The following MINDY2 variants were observed in gnomAD, a reference collection of about 807,000 sequenced individuals.
MINDY2 encodes the protein ubiquitin carboxyl-terminal hydrolase MINDY-2.
MINDY2 carries 52 observed loss-of-function variants against 68.2 expected under a neutral mutation model. That is an observed-to-expected ratio of 0.76 (90% CI 0.61 to 0.96). The LOEUF is 0.96. MINDY2 is among the 40% of genes least tolerant of loss of function. MINDY2 has a pLI of 0.00. For synonymous variants in MINDY2, 372 were observed against 303.0 expected, an observed-to-expected ratio of 1.23 and a Z score of -2.36; for missense variants, 881 against 773.4, an observed-to-expected ratio of 1.14 and a Z score of -1.65.
At chr15:58,821,223 A>G (rs755552301) in intron 4 of MINDY2, among the ~76,000 whole-genome samples, 4 of 151,746 alleles carry the variant, frequency 2.6e-5, no homozygotes, top group African/African-American at 7.2e-5. Context: ...TATCTCCACT[A>G]TACTTTTCTA....
intron 2 of MINDY2, among the ~76,000 whole-genome samples, chr15:58,792,625 T>C (rs1902024048): frequency 6.6e-6 from 1 of 151,314 alleles, no homozygotes; most frequent in African/African-American, 2.4e-5. Context: ...AAAAGAAAAA[T>C]GTTCAAAGCA....
At chr15:58,776,758 A>G (rs77637863) in intron 1 of MINDY2, among the ~76,000 whole-genome samples, 1,675 of 152,238 alleles carry the variant, frequency 0.011, 63 homozygotes, top group East Asian at 0.08. Context: ...GTGGTGGCTC[A>G]TGCCTGTCGT....
intron 1 of MINDY2, among the ~76,000 whole-genome samples, chr15:58,781,993 A>G (rs1319901495): frequency 6.6e-6 from 1 of 152,182 alleles, no homozygotes; most frequent in East Asian, 1.9e-4. Context: ...TTTTAAGTAT[A>G]GTATTACTAG....
At chr15:58,822,594 G>C (rs752159998) in intron 5 of MINDY2, among the ~76,000 whole-genome samples, 3 of 152,148 alleles carry the variant, frequency 2.0e-5, no homozygotes, top group Non-Finnish European at 4.4e-5. Context: ...CTGGATCAGA[G>C]TATGCCTCTG....
Position 58,826,909 on chromosome 15 carries a change from A to C in MINDY2, c.1226-4865A>C, listed in dbSNP as rs566478714. On this transcript the variant is annotated intron_variant, in intron 5 of 8. Coordinates refer to ENST00000559228, the MANE Select transcript of MINDY2 (RefSeq NM_001040450.3). Reference sequence around the variant, plus strand: ...TTCTCCTTTCCTCCCTTGCTTCCTCACTCCTTTCCTTCCTTGCTTCCTCCC... The same window carrying C: ...TTCTCCTTTCCTCCCTTGCTTCCTCCCTCCTTTCCTTCCTTGCTTCCTCCC... Among the ~76,000 whole-genome samples, 247 of 138,136 alleles carry C rather than the reference A, an allele frequency of 1.8e-3. 1 individual carries two copies. Among genetic ancestry groups the C allele is most frequent in the African/African-American group, 6.3e-3 (231 of 36,852 alleles). 90.6% of individuals were successfully genotyped at this position (138,136 alleles called of 152,430 possible).
chr15:58,818,696 C>T (rs1359690340), intron 4 of MINDY2, among the ~76,000 whole-genome samples: 2 of 148,912 alleles, frequency 1.3e-5, no homozygotes, highest in Non-Finnish European at 3.0e-5. Context: ...TCTTGCTACC[C>T]AGGTGTGATC....
At chr15:58,847,090 A>C (rs192084941) in intron 6 of MINDY2, among the ~76,000 whole-genome samples, 197 of 152,314 alleles carry the variant, frequency 1.3e-3, no homozygotes, top group Non-Finnish European at 1.7e-3. Flanking sequence ...GTTATAGTGT[A>C]GTGTGCCAAT....
chr15:58,831,698 C>G, intron 5 of MINDY2, 76 bp from the exon 6 acceptor site: 9 of 1,350,784 alleles, frequency 6.7e-6, no homozygotes, highest in South Asian at 1.4e-5. Context: ...ACTTGGAACA[C>G]ACTTTAAATA....
intron 6 of MINDY2, among the ~76,000 whole-genome samples, chr15:58,832,507 C>T (rs1219105940): frequency 3.8e-4 from 57 of 148,624 alleles, no homozygotes; most frequent in African/African-American, 1.2e-3. Flanking sequence ...GGATTACAGG[C>T]GTGAGCCACC....
chr15:58,840,381 C>A (rs1392228732), intron 6 of MINDY2, among the ~76,000 whole-genome samples: 1 of 152,034 alleles, frequency 6.6e-6, no homozygotes, highest in African/African-American at 2.4e-5. Flanking sequence ...TGGAAAAATA[C>A]CTCTGTGTTT....
intron 2 of MINDY2, among the ~76,000 whole-genome samples, chr15:58,797,898 C>G (rs1323409174): frequency 6.6e-6 from 1 of 152,070 alleles, no homozygotes; most frequent in African/African-American, 2.4e-5. Flanking sequence ...GAGATTGGTG[C>G]AAAAATAAAG....
rs1435819666 is a variant in MINDY2, at chr15:58,810,390, T to C, written c.1122+2T>C. The C allele has an allele frequency of 3.2e-6, 5 of 1,560,204 alleles. No individual in the cohort carries two copies. The highest frequency in any genetic ancestry group is 2.0e-5 in the Admixed American group (1 of 49,442). Reference sequence around the variant, plus strand: ...CATGGGTGGTTAGTAGACCCTCAGGTAAGTCGAAGAATTTAAATTATGTAA... The same window carrying C: ...CATGGGTGGTTAGTAGACCCTCAGGCAAGTCGAAGAATTTAAATTATGTAA... On this transcript the variant is annotated splice_donor_variant, in intron 4 of 8. Transcript: ENST00000559228. LOFTEE classifies it high-confidence loss of function.
In MINDY2 at chr15:58,798,552, T is replaced by G. The variant is rs560285557; in HGVS notation, c.899-3761T>G. On this transcript the variant is annotated intron_variant, in intron 2 of 8. Transcript: ENST00000559228. The stretch of plus-strand genomic sequence containing the variant: ...CTCACTGCAACCTCTGCCTCCTGGG[T>G]TCAAGCGATTATCTCACCTCAGACT... Among the ~76,000 whole-genome samples, 7 of 150,258 alleles carry G rather than the reference T, an allele frequency of 4.7e-5. No individual in the cohort carries two copies. The East Asian group carries it at 1.2e-3, about 25-fold the overall frequency.
intron 5 of MINDY2, among the ~76,000 whole-genome samples, chr15:58,828,575 CT>C (rs1163905877): frequency 0.066 from 6,989 of 105,990 alleles, 321 homozygotes; most frequent in African/African-American, 0.24. Flanking sequence ...TATTGAATTT[CT>C]TTTTTTTTTT....
At chr15:58,785,466 C>G (rs1901433529) in intron 1 of MINDY2, among the ~76,000 whole-genome samples, 1 of 152,126 alleles carries the variant, frequency 6.6e-6, no homozygotes, top group South Asian at 2.1e-4. Context: ...CTCTGCTGCA[C>G]AAATTCATCT....
intron 2 of MINDY2, among the ~76,000 whole-genome samples, chr15:58,800,408 C>T (rs1220008779): frequency 6.6e-6 from 1 of 151,728 alleles, no homozygotes. Flanking sequence ...GTATAAAGAT[C>T]CCTGTGATCT....
chr15:58,783,033 C>G (rs918130510), intron 1 of MINDY2, among the ~76,000 whole-genome samples: 5 of 147,844 alleles, frequency 3.4e-5, no homozygotes, highest in African/African-American at 1.2e-4. Flanking sequence ...GATTGTCCTC[C>G]CTCAGCCTCC....
At chr15:58,816,457 C>T (rs2030695416) in intron 4 of MINDY2, among the ~76,000 whole-genome samples, 1 of 152,054 alleles carries the variant, frequency 6.6e-6, no homozygotes, top group African/African-American at 2.4e-5. Context: ...GTTGCCCAGA[C>T]TAGAGTGCAG....
chr15:58,771,502 C>G lies in MINDY2; in HGVS notation c.107C>G (p.Ala36Gly). ...GAAGGGCTACAGGAGACCAGGCTCG[C>G]CGCTGGTGATGGTCCTGGGGTATGG... ...SQEGLQETRL[A>G]AGDGPGVWAA... Residue 36 changes from alanine to glycine, a missense_variant, in exon 1 of 9, where the codon GCC (alanine) becomes GGC (glycine). Physicochemically the swap from Ala to Gly is moderately conservative, Grantham distance 60. Coordinates refer to ENST00000559228, the MANE Select transcript of MINDY2 (RefSeq NM_001040450.3). The G allele has an allele frequency of 6.2e-7, 1 of 1,612,248 alleles. No individual in the cohort carries two copies. Among genetic ancestry groups the G allele is most frequent in the Non-Finnish European group, 8.5e-7 (1 of 1,179,750 alleles).
Sources: gnomAD v4.1 joint callset for allele counts (sites outside exome capture counted in the v4.1 genomes callset) on GRCh38, gnomAD v4.1.1 for gene constraint, MANE v1.5 for transcripts, NCBI Gene and HGNC (gene_info 2026-07-23, HGNC 2026-07-21) for gene names.